CREB3L2: variants seen among roughly 807,000 people sequenced by gnomAD.
CREB3L2 encodes cyclic AMP-responsive element-binding protein 3-like protein 2.
In CREB3L2, 23 loss-of-function variants were observed where a neutral mutation model predicts 57.2. The ratio of observed to expected loss-of-function variants is 0.40; its 90% CI spans 0.29 to 0.57. The LOEUF (loss-of-function observed/expected upper bound fraction) is 0.57, where lower values mean the gene tolerates loss of function less well. CREB3L2 is among the 20% of genes least tolerant of loss of function. The pLI is 0.42. For synonymous variants in CREB3L2, 268 were observed against 265.1 expected (o/e 1.01, Z -0.11); for missense variants, 628 against 634.7 (o/e 0.99, Z 0.11).
At chr7:137,970,830 C>G (rs1197087320) in intron 1 of CREB3L2, among the ~76,000 whole-genome samples, 1 of 152,220 alleles carries the variant, frequency 6.6e-6, no homozygotes, top group East Asian at 1.9e-4. Context: ...AAAAGAATGT[C>G]TGGAACCAAC....
intron 10 of CREB3L2, 191 bp downstream of exon 10, chr7:137,884,804 C>T (rs891576560): frequency 4.4e-5 from 31 of 697,294 alleles, no homozygotes; most frequent in Middle Eastern, 4.8e-4. Context: ...TGGAGAATTC[C>T]CAGTGATGCC....
intron 1 of CREB3L2, among the ~76,000 whole-genome samples, chr7:137,934,344 T>C (rs57385695): frequency 0.098 from 14,924 of 152,192 alleles, 1,640 homozygotes; most frequent in African/African-American, 0.27. Flanking sequence ...AAAACCATGA[T>C]GGTGATGATC....
intron 8 of CREB3L2, among the ~76,000 whole-genome samples, chr7:137,897,380 T>C (rs1157012151): frequency 2.6e-5 from 4 of 152,148 alleles, no homozygotes; most frequent in Admixed American, 2.6e-4. Flanking sequence ...TTATTATTAT[T>C]ATTATTTGAG....
chr7:137,995,382 T>A (rs898561382), intron 1 of CREB3L2, among the ~76,000 whole-genome samples: 23 of 116,922 alleles, frequency 2.0e-4, no homozygotes. Flanking sequence ...TCACCAAGGC[T>A]GGAGTGCAGT....
intron 5 of CREB3L2, among the ~76,000 whole-genome samples, chr7:137,906,458 T>C (rs1799893508): frequency 6.6e-6 from 1 of 152,140 alleles, no homozygotes; most frequent in Non-Finnish European, 1.5e-5. Context: ...TGTTTATAAT[T>C]AATCAAACAG....
At position 137,875,210 on chromosome 7, in the gene CREB3L2, T is replaced by C. The variant is rs1173982656; in HGVS notation, c.*5266A>G. The stretch of plus-strand genomic sequence containing the variant: ...AAACACTGCTGGTCTACGTAACCTG[T>C]TACAAAAGAGAGCAAAACCTAACTG... On this transcript the variant is annotated 3_prime_UTR_variant, in exon 12 of 12. Coordinates refer to ENST00000330387, the MANE Select transcript of CREB3L2 (RefSeq NM_194071.4). 4.7e-6 allele frequency: 1 copy of C among 214,382 alleles called. No homozygotes were observed. Among genetic ancestry groups the C allele is most frequent in the Non-Finnish European group, 9.4e-6 (1 of 105,990 alleles). The allele number at this position is 214,382 out of a possible 1,614,324, so 13.3% of individuals were successfully genotyped here. A position where few individuals can be genotyped will look rare whatever the true frequency, so the allele number is the denominator to read the frequency against.
chr7:137,902,580 G>C (rs921035786), intron 7 of CREB3L2, among the ~76,000 whole-genome samples: 1 of 152,094 alleles, frequency 6.6e-6, no homozygotes. Flanking sequence ...CGGTATTCAG[G>C]GGGGATTAGT....
At chr7:137,929,105 T>C (rs1800549884) in intron 1 of CREB3L2, among the ~76,000 whole-genome samples, 1 of 152,180 alleles carries the variant, frequency 6.6e-6, no homozygotes, top group Non-Finnish European at 1.5e-5. Flanking sequence ...TTTGTTCCTC[T>C]CTGGTTTTTC....
chr7:137,901,412 A>C lies in CREB3L2; in HGVS notation c.985T>G (p.Cys329Gly). 6.2e-7 allele frequency: 1 copy of C among 1,603,868 alleles called. No individual in the cohort carries two copies. Among genetic ancestry groups the C allele is most frequent in the Non-Finnish European group, 8.5e-7 (1 of 1,170,894 alleles). Reference protein sequence around the residue: ...MDSLEKKVESCSTENLELRKK... With the variant: ...MDSLEKKVESGSTENLELRKK... ...CGAAGCTCCAAGTTCTCAGTTGAAC[A>C]AGACTCCACTCTACAAAGGAGGGAG... is the stretch of plus-strand genomic sequence containing the variant. The change falls in exon 8 of 12, where the codon TGT becomes GGT. Residue 329 changes from cysteine (C) to glycine (G), a missense_variant. Physicochemically the swap from Cys to Gly is radical, Grantham distance 159 (BLOSUM62 -3). Coordinates refer to ENST00000330387, the MANE Select transcript of CREB3L2 (RefSeq NM_194071.4).
chr7:137,969,219 T>A (rs1315022251), intron 1 of CREB3L2, among the ~76,000 whole-genome samples: 1 of 152,068 alleles, frequency 6.6e-6, no homozygotes, highest in African/African-American at 2.4e-5. Flanking sequence ...TTTTGATAAA[T>A]TGGATCAGAA....
intron 1 of CREB3L2, among the ~76,000 whole-genome samples, chr7:137,972,703 A>AAAAAACAAAACAAAACAAAC (rs1563270073): frequency 4.0e-5 from 2 of 49,914 alleles, no homozygotes; most frequent in African/African-American, 2.3e-4. Context: ...AAAAAAAAAA[A>AAAAAACAAAACAAAACAAAC]AAAAAAAAAA....
intron 1 of CREB3L2, among the ~76,000 whole-genome samples, chr7:137,952,534 T>C (rs1801122213): frequency 6.6e-6 from 1 of 152,216 alleles, no homozygotes; most frequent in Non-Finnish European, 1.5e-5. Flanking sequence ...ATTAGCTTAC[T>C]GATTTATCTG....
At position 137,877,476 on chromosome 7, in the gene CREB3L2, T is replaced by C. The variant is rs141305061; in HGVS notation, c.*3000A>G. 1.6e-3 allele frequency: 364 copies of C among 225,702 alleles called. 1 individual carries two copies. The highest frequency in any genetic ancestry group is 2.7e-3 in the Non-Finnish European group (304 of 113,302). 14.0% of individuals were successfully genotyped at this position (225,702 alleles called of 1,614,324 possible). ...GCACTGCAGCCTTTCATTTACAATA[T>C]CCCTTTTTAAGTGCAAAGTCGAGGG... On this transcript the variant is annotated 3_prime_UTR_variant, in exon 12 of 12. Transcript: ENST00000330387.
chr7:137,876,475 C>T lies in CREB3L2; in HGVS notation c.*4001G>A, dbSNP rs1799157363. The T allele has an allele frequency of 4.3e-6, 1 of 232,692 alleles. No individual in the cohort carries two copies. Among genetic ancestry groups the T allele is most frequent in the African/African-American group, 2.2e-5 (1 of 45,212 alleles). 14.4% of individuals were successfully genotyped at this position (232,692 alleles called of 1,614,324 possible). ...TATTCCCCAATATTCCCTAGGGCCT[C>T]AGGCAACACTCTTCCTTATGAAACT... is the stretch of plus-strand genomic sequence containing the variant. On this transcript the variant is annotated 3_prime_UTR_variant, in exon 12 of 12. Coordinates refer to ENST00000330387, the MANE Select transcript of CREB3L2 (RefSeq NM_194071.4).
At chr7:137,938,301 G>T (rs973260277) in intron 1 of CREB3L2, among the ~76,000 whole-genome samples, 1 of 152,096 alleles carries the variant, frequency 6.6e-6, no homozygotes, top group Non-Finnish European at 1.5e-5. Context: ...CCTTCTGTTC[G>T]ATTTTGCTCT....
chr7:137,961,131 A>T (rs1334301353), intron 1 of CREB3L2, among the ~76,000 whole-genome samples: 2 of 144,844 alleles, frequency 1.4e-5, no homozygotes, highest in Non-Finnish European at 3.0e-5. Flanking sequence ...TTTAGGAAGA[A>T]GCCTACATTG....
At chr7:137,958,626 T>C (rs1251432692) in intron 1 of CREB3L2, among the ~76,000 whole-genome samples, 1 of 152,262 alleles carries the variant, frequency 6.6e-6, no homozygotes, top group Non-Finnish European at 1.5e-5. Flanking sequence ...ACTTATCTGC[T>C]TGGCATTTGG....
intron 1 of CREB3L2, among the ~76,000 whole-genome samples, chr7:137,931,444 C>G (rs1444517651): frequency 6.6e-6 from 1 of 150,972 alleles, no homozygotes; most frequent in Non-Finnish European, 1.5e-5. Context: ...ATGGGGTGAA[C>G]CCAGGAGGCG....
intron 1 of CREB3L2, among the ~76,000 whole-genome samples, chr7:137,997,170 G>A (rs1490222427): frequency 6.6e-6 from 1 of 152,038 alleles, no homozygotes; most frequent in Non-Finnish European, 1.5e-5. Flanking sequence ...AAGAACACTT[G>A]GTTGAAAATT....
Sources: gnomAD v4.1 joint callset for allele counts (sites outside exome capture counted in the v4.1 genomes callset) on GRCh38, gnomAD v4.1.1 for gene constraint, MANE v1.5 for transcripts, NCBI Gene and HGNC (gene_info 2026-07-23, HGNC 2026-07-21) for gene names.